The following CABP1 variants were observed in gnomAD, a reference collection of about 807,000 sequenced individuals.
The protein encoded by CABP1 is calcium-binding protein 1.
In CABP1, 17 loss-of-function variants were observed where a neutral mutation model predicts 34.3. The ratio of observed to expected loss-of-function variants is 0.50; its 90% CI spans 0.34 to 0.74. The LOEUF is 0.74. Among genes scored for constraint, CABP1 ranks in the 30% least tolerant of loss-of-function variants. The pLI is 0.01. For synonymous variants in CABP1, 198 were observed against 229.2 expected (o/e 0.86, Z 1.23); for missense variants, 373 against 511.1 (o/e 0.73, Z 2.61).
chr12:120,678,314 T>C, the CABP1 span, among the ~76,000 whole-genome samples: 3 of 152,236 alleles, frequency 2.0e-5, no homozygotes, highest in African/African-American at 2.4e-5. Flanking sequence ...TTCAGTTTTA[T>C]GGGTCAAGGT....
chr12:120,641,479 C>T lies in CABP1; in HGVS notation c.654+140C>T, dbSNP rs2137323543. On this transcript the variant is annotated intron_variant, in intron 1 of 5. Transcript: ENST00000316803. The surrounding 1 kb of genome is among the most constrained non-coding windows in gnomAD (Gnocchi z 6.7). The stretch of plus-strand genomic sequence containing the variant: ...TCGGCTCACCTCGTCCTCCCCGGGC[C>T]GGCGCCCTTGCCGGCACTCCTCCTC... 1 of 968,936 alleles carries T rather than the reference C, an allele frequency of 1.0e-6. No homozygotes were observed. The highest frequency in any genetic ancestry group is 1.3e-6 in the Non-Finnish European group (1 of 748,826). 60.0% of individuals were successfully genotyped at this position (968,936 alleles called of 1,614,324 possible).
At position 120,667,032 on chromosome 12, in the gene CABP1, G is replaced by T; in HGVS notation, c.*132G>T. 8.9e-7 allele frequency: 1 copy of T among 1,125,024 alleles called. No individual in the cohort carries two copies. Among genetic ancestry groups the T allele is most frequent in the Admixed American group, 2.0e-5 (1 of 48,836 alleles). The allele number at this position is 1,125,024 out of a possible 1,614,324, so 69.7% of individuals were successfully genotyped here. On this transcript the variant is annotated 3_prime_UTR_variant, in exon 6 of 6. Transcript: ENST00000316803. ...GGATGGGGCCTGCCTGCACCCCGGG[G>T]AGGCGCCCACCCCGGACCCCCACCC...
chr12:120,649,552 C>T (rs891888309), intron 1 of CABP1, among the ~76,000 whole-genome samples: 6 of 152,148 alleles, frequency 3.9e-5, no homozygotes, highest in Non-Finnish European at 8.8e-5. Context: ...CCTCGAAGAG[C>T]GCTTCGTAAA....
rs1286378218 is a variant in CABP1, at chr12:120,640,650, A to C, written c.-36A>C. Reference sequence around the variant, plus strand: ...CAGATCTGCACCGCCAGCCGCCGGGAGCTCCGGGCTCCGGGCGTAGAGGCT... The same window carrying C: ...CAGATCTGCACCGCCAGCCGCCGGGCGCTCCGGGCTCCGGGCGTAGAGGCT... On this transcript the variant is annotated 5_prime_UTR_variant, in exon 1 of 6. Coordinates refer to ENST00000316803, the MANE Select transcript of CABP1 (RefSeq NM_001033677.2). This position sits in a 1 kb window ranked among gnomAD's most constrained non-coding sequence, Gnocchi z 6.2. The C allele has an allele frequency of 1.8e-5, 20 of 1,125,862 alleles. No homozygotes were observed. Among genetic ancestry groups the C allele is most frequent in the Non-Finnish European group, 2.0e-5 (18 of 920,664 alleles). The allele number at this position is 1,125,862 out of a possible 1,614,324, so 69.7% of individuals were successfully genotyped here.
chr12:120,652,479 G>T (rs1879909500), intron 1 of CABP1, among the ~76,000 whole-genome samples: 1 of 152,068 alleles, frequency 6.6e-6, no homozygotes, highest in Admixed American at 6.6e-5. Flanking sequence ...CTCAGAGATA[G>T]AGCCTTCCTA....
chr12:120,672,093 A>G (rs1592902904), downstream of CABP1, among the ~76,000 whole-genome samples: 1 of 152,072 alleles, frequency 6.6e-6, no homozygotes, highest in African/African-American at 2.4e-5. Context: ...AAAATACCAG[A>G]AAGCCAGACA....
chr12:120,666,796 C>T lies in CABP1; in HGVS notation c.1088-79C>T, dbSNP rs933502404. On this transcript the variant is annotated intron_variant, in intron 5 of 5. Coordinates refer to ENST00000316803, the MANE Select transcript of CABP1 (RefSeq NM_001033677.2). Reference sequence around the variant, plus strand: ...CAGCACAGAGTTGGGGCAGTGGCAACAGGGTGGGGTCTGAAGGCAGCAACC... The same window carrying T: ...CAGCACAGAGTTGGGGCAGTGGCAATAGGGTGGGGTCTGAAGGCAGCAACC... 6 of 1,489,400 alleles carry T rather than the reference C, an allele frequency of 4.0e-6. No individual in the cohort carries two copies. In the Admixed American group the frequency reaches 1.2e-4, roughly 29 times the overall value. 92.3% of individuals were successfully genotyped at this position (1,489,400 alleles called of 1,614,324 possible). A position where few individuals can be genotyped will look rare whatever the true frequency, so the allele number is the denominator to read the frequency against.
chr12:120,680,757 C>T, the CABP1 span, among the ~76,000 whole-genome samples: 1 of 152,052 alleles, frequency 6.6e-6, no homozygotes, highest in Non-Finnish European at 1.5e-5. Context: ...TATAATCCTG[C>T]CCTGGGTTCA....
Position 120,666,203 on chromosome 12 carries a change from T to TTAA in CABP1, c.1088-672_1088-671insTAA, listed in dbSNP as rs1201785497. Among the ~76,000 whole-genome samples the TTAA allele has an allele frequency of 1.7e-4, 18 of 107,028 alleles. 1 individual carries two copies. Among genetic ancestry groups the TTAA allele is most frequent in the South Asian group, 6.3e-4 (2 of 3,166 alleles). 70.2% of individuals were successfully genotyped at this position (107,028 alleles called of 152,430 possible). A position where few individuals can be genotyped will look rare whatever the true frequency, so the allele number is the denominator to read the frequency against. On this transcript the variant is annotated intron_variant, in intron 5 of 5. Coordinates refer to ENST00000316803, the MANE Select transcript of CABP1 (RefSeq NM_001033677.2). ...ACAGAGGGAGACTCTGTCTCTACAT[T>TTAA]AAAAAAAAAAAAAAAAAAGGAAGAA...
At chr12:120,664,639 C>T (rs1188526456) in intron 5 of CABP1, among the ~76,000 whole-genome samples, 4 of 152,006 alleles carry the variant, frequency 2.6e-5, no homozygotes, top group South Asian at 4.2e-4. Flanking sequence ...TATGGTAGGC[C>T]GAGGTGGGCA....
chr12:120,654,582 T>G (rs146221508), intron 1 of CABP1, among the ~76,000 whole-genome samples: 19 of 152,316 alleles, frequency 1.2e-4, no homozygotes, highest in Non-Finnish European at 1.5e-4. Context: ...TGTCGCTCCT[T>G]GGGAAGGTCC....
intron 1 of CABP1, among the ~76,000 whole-genome samples, chr12:120,646,210 C>T (rs760420099): frequency 6.6e-6 from 1 of 152,214 alleles, no homozygotes; most frequent in Non-Finnish European, 1.5e-5. Context: ...GCACCTCTCA[C>T]GTTACAGTCC....
In CABP1 at chr12:120,641,060, G is replaced by T; in HGVS notation, c.375G>T (p.Ala125=). ...CGCGGAGGCCCCTGTGCCGGCCGGC[G>T]CCGCGAGAGGAGGGCGCGCGGGGGA... ...PSSRRPLCRP[A]PREEGARGSQ... Residue 125 remains alanine (A), a synonymous_variant, in exon 1 of 6, where the codon GCG becomes GCT. Transcript: ENST00000316803. The surrounding 1 kb of genome is among the most constrained non-coding windows in gnomAD (Gnocchi z 6.7). 1 of 1,186,934 alleles carries T rather than the reference G, an allele frequency of 8.4e-7. No homozygotes were observed. The highest frequency in any genetic ancestry group is 1.0e-6 in the Non-Finnish European group (1 of 959,204). 73.5% of individuals were successfully genotyped at this position (1,186,934 alleles called of 1,614,324 possible). A position where few individuals can be genotyped will look rare whatever the true frequency, so the allele number is the denominator to read the frequency against.
At chr12:120,668,966 T>C (rs1291018092), downstream of CABP1, among the ~76,000 whole-genome samples, 1 of 152,176 alleles carries the variant, frequency 6.6e-6, no homozygotes, top group African/African-American at 2.4e-5. Flanking sequence ...GTCCATGAAT[T>C]TGCATCTCTT....
intron 5 of CABP1, among the ~76,000 whole-genome samples, chr12:120,665,738 G>A (rs1451736853): frequency 6.6e-6 from 1 of 151,990 alleles, no homozygotes; most frequent in Non-Finnish European, 1.5e-5. Context: ...AAGAGAGAGA[G>A]AGGCCCGGCG....
intron 5 of CABP1, among the ~76,000 whole-genome samples, chr12:120,662,684 CT>C (rs34243939): frequency 0.7 from 89,029 of 127,002 alleles, 30,755 homozygotes; most frequent in Middle Eastern, 0.82. Context: ...TTATCCTGTT[CT>C]TTTTTTTTTT....
At chr12:120,646,037 T>G (rs1469212237) in intron 1 of CABP1, among the ~76,000 whole-genome samples, 1 of 152,138 alleles carries the variant, frequency 6.6e-6, no homozygotes, top group Non-Finnish European at 1.5e-5. Flanking sequence ...AGTGACAGAG[T>G]GAGACCCTGT....
At chr12:120,676,234 T>C in the CABP1 span, among the ~76,000 whole-genome samples, 1 of 152,160 alleles carries the variant, frequency 6.6e-6, no homozygotes, top group African/African-American at 2.4e-5. Context: ...TATCACCTGT[T>C]CAATAGGCAC....
chr12:120,657,277 T>G (rs1880290461), intron 1 of CABP1, among the ~76,000 whole-genome samples: 1 of 152,220 alleles, frequency 6.6e-6, no homozygotes, highest in South Asian at 2.1e-4. Context: ...AGGAGAGGAC[T>G]AATGAGGATG....
Sources: gnomAD v4.1 joint callset for allele counts (sites outside exome capture counted in the v4.1 genomes callset) on GRCh38, gnomAD v4.1.1 for gene constraint, Gnocchi (gnomAD v3.1) non-coding constraint, MANE v1.5 for transcripts, NCBI Gene and HGNC (gene_info 2026-07-23, HGNC 2026-07-21) for gene names.